Variants in SLC14A2 observed in about 807,000 individuals in gnomAD.
SLC14A2 encodes solute carrier family 14 member 2.
SLC14A2 carries 91 observed loss-of-function variants against 104.6 expected under a neutral mutation model. The observed-to-expected ratio is 0.87, with a 90% CI of 0.73 to 1.04. SLC14A2 has a LOEUF of 1.04. Ranked by LOEUF, SLC14A2 falls within the 50% of genes least tolerant of loss-of-function variation. SLC14A2 has a pLI of 0.00. For synonymous variants in SLC14A2, 476 were observed against 466.4 expected (o/e 1.02, Z -0.27); for missense variants, 1,189 against 1,156.0 (o/e 1.03, Z -0.41).
chr18:45,328,186 CTCTT>C (rs1479893200), intron 1 of SLC14A2, among the ~76,000 whole-genome samples: 1 of 152,198 alleles, frequency 6.6e-6, no homozygotes, highest in Non-Finnish European at 1.5e-5. Flanking sequence ...GTTTATCTGA[CTCTT>C]TATTCCTGCC....
intron 1 of SLC14A2, among the ~76,000 whole-genome samples, chr18:45,462,845 G>A (rs746804422): frequency 2.6e-5 from 4 of 152,274 alleles, no homozygotes; most frequent in Non-Finnish European, 2.9e-5. Context: ...CTACTTTGCA[G>A]ATTTTTGTAA....
intron 1 of SLC14A2, among the ~76,000 whole-genome samples, chr18:45,367,070 G>A (rs2085673396): frequency 6.6e-6 from 1 of 152,210 alleles, no homozygotes; most frequent in Non-Finnish European, 1.5e-5. Context: ...TGTAAATGAA[G>A]AAAGGTGTTT....
At chr18:45,547,682 G>A (rs1259350539) in intron 2 of SLC14A2, among the ~76,000 whole-genome samples, 1 of 152,208 alleles carries the variant, frequency 6.6e-6, no homozygotes, top group East Asian at 1.9e-4. Context: ...TTTAAAATGG[G>A]AATGATAATG....
chr18:45,293,194 C>CA (rs1283382081), intron 1 of SLC14A2, among the ~76,000 whole-genome samples: 12 of 152,226 alleles, frequency 7.9e-5, no homozygotes, highest in South Asian at 2.1e-4. Context: ...TTTTGACGTG[C>CA]AAAACACTCC....
At chr18:45,265,121 A>T (rs1310083778) in intron 1 of SLC14A2, among the ~76,000 whole-genome samples, 2 of 152,138 alleles carry the variant, frequency 1.3e-5, no homozygotes, top group Non-Finnish European at 2.9e-5. Flanking sequence ...AAAATCATTT[A>T]TTTGGGGTAT....
At chr18:45,559,572 A>C (rs2044176239) in intron 2 of SLC14A2, among the ~76,000 whole-genome samples, 1 of 152,120 alleles carries the variant, frequency 6.6e-6, no homozygotes, top group Non-Finnish European at 1.5e-5. Flanking sequence ...AAAAAATGGG[A>C]AATTAGGTGT....
At chr18:45,386,028 TG>T (rs2085892614) in intron 1 of SLC14A2, among the ~76,000 whole-genome samples, 1 of 152,134 alleles carries the variant, frequency 6.6e-6, no homozygotes, top group East Asian at 1.9e-4. Context: ...GAAGGTTGTT[TG>T]GGCCAGAAAT....
At chr18:45,640,326 TG>T (rs1474193828) in intron 7 of SLC14A2, among the ~76,000 whole-genome samples, 3 of 150,826 alleles carry the variant, frequency 2.0e-5, no homozygotes. Context: ...AGAACCAAGT[TG>T]GCCTGCAAAC....
At position 45,667,067 on chromosome 18, in the gene SLC14A2, A is replaced by G. The variant is rs940647008; in HGVS notation, c.1690A>G (p.Met564Val). 2 of 1,613,800 alleles carry G rather than the reference A, an allele frequency of 1.2e-6. No homozygotes were observed. The highest frequency in any genetic ancestry group is 1.3e-5 in the African/African-American group (1 of 74,902). Residue 564 changes from methionine to valine, a missense_variant, in exon 13 of 20, where the codon ATG (methionine) becomes GTG (valine). By Grantham distance (21) the Met-to-Val change is conservative. Coordinates refer to ENST00000255226, the MANE Select transcript of SLC14A2 (RefSeq NM_007163.4). The stretch of plus-strand genomic sequence containing the variant: ...AGCCCTCAGCTACATCACAGGAGAG[A>G]TGAAGGAGTGTGGAGAGGGACTTAA... Reference protein sequence around the residue: ...SKALSYITGEMKECGEGLKDK... With the variant: ...SKALSYITGEVKECGEGLKDK...
chr18:45,209,549 CT>C (rs538460084), upstream of SLC14A2, among the ~76,000 whole-genome samples: 75 of 122,982 alleles, frequency 6.1e-4, no homozygotes, highest in South Asian at 3.0e-3. Flanking sequence ...CTTCCTTTTT[CT>C]TTTTTTTTTT....
the SLC14A2 span, among the ~76,000 whole-genome samples, chr18:45,171,334 A>G: frequency 4.7e-4 from 72 of 152,226 alleles, no homozygotes; most frequent in South Asian, 0.01. Context: ...TTTAGAAAAA[A>G]AAATGAGATC....
chr18:45,343,761 T>C (rs950390293), intron 1 of SLC14A2, among the ~76,000 whole-genome samples: 2 of 152,162 alleles, frequency 1.3e-5, no homozygotes, highest in Non-Finnish European at 2.9e-5. Flanking sequence ...TGTGATTCCT[T>C]TGAGTAATCA....
intron 1 of SLC14A2, among the ~76,000 whole-genome samples, chr18:45,232,047 A>C (rs1367632030): frequency 2.6e-5 from 4 of 152,136 alleles, no homozygotes; most frequent in Non-Finnish European, 5.9e-5. Context: ...AAAAAAAAAA[A>C]ACAAAATGAT....
chr18:45,557,195 G>C (rs962662984), intron 2 of SLC14A2, among the ~76,000 whole-genome samples: 5 of 152,220 alleles, frequency 3.3e-5, no homozygotes, highest in Non-Finnish European at 5.9e-5. Context: ...ACCAGTCACA[G>C]TTCAATAGAC....
intron 1 of SLC14A2, among the ~76,000 whole-genome samples, chr18:45,402,086 G>A (rs1418684137): frequency 6.6e-6 from 1 of 152,122 alleles, no homozygotes; most frequent in Non-Finnish European, 1.5e-5. Flanking sequence ...AGCCAAAGAA[G>A]TGATGATACG....
intron 1 of SLC14A2, among the ~76,000 whole-genome samples, chr18:45,465,397 G>C (rs559711333): frequency 2.2e-4 from 34 of 152,316 alleles, no homozygotes; most frequent in Admixed American, 2.1e-3. Flanking sequence ...AAGCAGCCAG[G>C]CTTGCCTCCC....
At chr18:45,237,475 A>C (rs534346993) in intron 1 of SLC14A2, among the ~76,000 whole-genome samples, 1 of 152,304 alleles carries the variant, frequency 6.6e-6, no homozygotes, top group South Asian at 2.1e-4. Flanking sequence ...TCTAGTCGGC[A>C]CAGCATGCTC....
chr18:45,367,594 G>T lies in SLC14A2; in HGVS notation c.-124-115639G>T, dbSNP rs115282453. Among the ~76,000 whole-genome samples, 873 of 152,280 alleles carry T rather than the reference G, an allele frequency of 5.7e-3. 10 individuals are homozygous for T. Among genetic ancestry groups the T allele is most frequent in the African/African-American group, 0.018 (765 of 41,538 alleles). ...TAGCAAAGGTCACTTTCTCCCAGAA[G>T]TCCAGAAGTGTGCCAGGGCTGGCTC... On this transcript the variant is annotated intron_variant, in intron 1 of 20. Coordinates refer to the SLC14A2 transcript ENST00000586448.
chr18:45,668,054 T>C, intron 14 of SLC14A2, 32 bp downstream of exon 14: 2 of 1,600,566 alleles, frequency 1.2e-6, no homozygotes, highest in South Asian at 2.2e-5. Context: ...TCCAAACATG[T>C]AGCCAAGAAG....
Sources: allele counts gnomAD v4.1 joint callset (sites outside exome capture counted in the v4.1 genomes callset), GRCh38; gene constraint gnomAD v4.1.1; transcripts MANE v1.5; gene names NCBI Gene and HGNC (gene_info 2026-07-23, HGNC 2026-07-21).